Variants in ARHGAP20 observed in about 807,000 individuals in gnomAD.
ARHGAP20 encodes the protein Rho GTPase activating protein 20.
Under a neutral mutation model 73.7 loss-of-function variants are expected in ARHGAP20, and 34 were observed. That is an observed-to-expected ratio of 0.46 (90% confidence interval 0.35 to 0.61). ARHGAP20 has a LOEUF of 0.61. Ranked by LOEUF, ARHGAP20 falls within the 20% of genes least tolerant of loss-of-function variation. ARHGAP20 has a pLI of 0.00. For missense variants in ARHGAP20, 1,314 were observed against 1,420.9 expected, an observed-to-expected ratio of 0.92 and a Z score of 1.21; for synonymous variants, 523 against 518.2, an observed-to-expected ratio of 1.01 and a Z score of -0.13.
At chr11:110,634,066 A>G (rs1413482760) in intron 2 of ARHGAP20, among the ~76,000 whole-genome samples, 1 of 152,220 alleles carries the variant, frequency 6.6e-6, no homozygotes, top group African/African-American at 2.4e-5. Context: ...AAGTAGCAGA[A>G]AAAGAAAAAG....
chr11:110,680,714 G>A (rs1239961928), intron 2 of ARHGAP20, among the ~76,000 whole-genome samples: 1 of 152,104 alleles, frequency 6.6e-6, no homozygotes, highest in African/African-American at 2.4e-5. Flanking sequence ...AATGTGGAGA[G>A]ACTAAATTTA....
chr11:110,587,113 TG>T (rs1947689981), intron 11 of ARHGAP20, among the ~76,000 whole-genome samples: 1 of 152,222 alleles, frequency 6.6e-6, no homozygotes, highest in South Asian at 2.1e-4. Flanking sequence ...CAAGTATGTT[TG>T]TTGTTTAGCT....
At chr11:110,615,083 A>G (rs1948455128) in intron 5 of ARHGAP20, among the ~76,000 whole-genome samples, 1 of 152,174 alleles carries the variant, frequency 6.6e-6, no homozygotes, top group South Asian at 2.1e-4. Flanking sequence ...AGAGGGAGAG[A>G]GGACAGGAGG....
At chr11:110,666,435 A>T (rs763661364) in intron 2 of ARHGAP20, among the ~76,000 whole-genome samples, 1 of 152,212 alleles carries the variant, frequency 6.6e-6, no homozygotes, top group Non-Finnish European at 1.5e-5. Flanking sequence ...GACTTGCAGA[A>T]CATGTTTTAA....
intron 2 of ARHGAP20, among the ~76,000 whole-genome samples, chr11:110,683,700 C>T (rs1308023305): frequency 1.3e-5 from 2 of 152,068 alleles, no homozygotes; most frequent in Non-Finnish European, 2.9e-5. Flanking sequence ...TTATTATGTG[C>T]CAATTTTTTT....
chr11:110,616,455 C>T (rs1208243483), intron 4 of ARHGAP20, among the ~76,000 whole-genome samples: 2 of 152,076 alleles, frequency 1.3e-5, no homozygotes, highest in Non-Finnish European at 2.9e-5. Flanking sequence ...TCACTGTAGG[C>T]TTGAACTCCT....
chr11:110,639,658 G>A (rs1378052998), intron 2 of ARHGAP20, among the ~76,000 whole-genome samples: 1 of 151,920 alleles, frequency 6.6e-6, no homozygotes, highest in Non-Finnish European at 1.5e-5. Flanking sequence ...CTATGGAGTT[G>A]CCTATTTCGG....
chr11:110,648,210 AATATATATATGTAT>A (rs1308408294), intron 2 of ARHGAP20, among the ~76,000 whole-genome samples: 2,023 of 113,268 alleles, frequency 0.018, 63 homozygotes, highest in African/African-American at 0.075. Flanking sequence ...TATATATGTA[AATATATATATGTAT>A]ATATATATAT....
Position 110,611,366 on chromosome 11 carries a change from C to T in ARHGAP20, c.651G>A (p.Met217Ile), listed in dbSNP as rs1424536606. ...NCAYSKTITV[M>I]NSDTANEVIN... ...TAACTTCATTCGCTGTATCTGAATT[C>T]ATTACTGTTATAGTTTTAGACTGTA... Residue 217 changes from methionine (M) to isoleucine (I), a missense_variant, in exon 7 of 15, where the codon ATG becomes ATA. By Grantham distance (10) the Met-to-Ile change is conservative. Around this residue, in one of 3 missense-constraint regions of ARHGAP20, gnomAD observed 443 missense variants for 466.4 expected, o/e 0.95. Transcript: ENST00000683387. The T allele has an allele frequency of 6.5e-7, 1 of 1,550,280 alleles. No individual in the cohort carries two copies.
intron 1 of ARHGAP20, among the ~76,000 whole-genome samples, chr11:110,710,435 TA>T (rs11423761): frequency 5.4e-5 from 8 of 147,614 alleles, no homozygotes; most frequent in Admixed American, 6.8e-5. Flanking sequence ...ATACCCTTAG[TA>T]AAAAAAAAAG....
chr11:110,597,812 A>T (rs771436429), intron 9 of ARHGAP20, among the ~76,000 whole-genome samples: 44 of 152,186 alleles, frequency 2.9e-4, no homozygotes, highest in Admixed American at 1.1e-3. Flanking sequence ...ATTCAACCTG[A>T]GCATTCAGGA....
chr11:110,615,819 A>G (rs1429123083), intron 4 of ARHGAP20, among the ~76,000 whole-genome samples: 1 of 152,214 alleles, frequency 6.6e-6, no homozygotes, highest in African/African-American at 2.4e-5. Context: ...ATCCTTTTGG[A>G]TGGATCTAAG....
rs549354590 is a variant in ARHGAP20, at chr11:110,635,541, TGA to T, written c.189-4751_189-4750del. 1.8e-3 allele frequency among the ~76,000 whole-genome samples: 281 copies of T among 152,268 alleles called. 4 individuals carry two copies. Among genetic ancestry groups the T allele is most frequent in the African/African-American group, 6.4e-3 (266 of 41,570 alleles). On this transcript the variant is annotated intron_variant, in intron 2 of 14. Transcript: ENST00000683387. ...TTCTACTTCAGCTAAGTTGAACTTT[TGA>T]GAGTTATTCCATCATTTCCTGTGAT... is the stretch of plus-strand genomic sequence containing the variant.
At position 110,580,768 on chromosome 11, in the gene ARHGAP20, T is replaced by C. The variant is rs765657362; in HGVS notation, c.2178A>G (p.Leu726=). Residue 726 remains leucine, a synonymous_variant, in exon 15 of 15, where the codon CTA becomes CTG. Transcript: ENST00000683387. ...GAATTGCATCACAGCTGGACTTGCGTAGCTTTTTCTGATAAAACTCCCTGA... is the reference window on the plus strand; with the variant it reads ...GAATTGCATCACAGCTGGACTTGCGCAGCTTTTTCTGATAAAACTCCCTGA... ...SYLREFYQKK[L]RKSSCDAILS... 7 of 1,614,010 alleles carry C rather than the reference T, an allele frequency of 4.3e-6. No individual in the cohort carries two copies. The highest frequency in any genetic ancestry group is 3.3e-5 in the Admixed American group (2 of 59,990).
intron 11 of ARHGAP20, among the ~76,000 whole-genome samples, chr11:110,587,773 T>A (rs958593877): frequency 9.9e-5 from 15 of 152,138 alleles, no homozygotes; most frequent in African/African-American, 2.7e-4. Context: ...CTTTTTTTTT[T>A]AGAATGTTTA....
At chr11:110,592,361 A>C (rs1464264529) in intron 9 of ARHGAP20, among the ~76,000 whole-genome samples, 4 of 152,222 alleles carry the variant, frequency 2.6e-5, no homozygotes, top group Non-Finnish European at 5.9e-5. Context: ...AGGAAGAATC[A>C]AATGTTTGGG....
At chr11:110,596,433 C>CA (rs1224107670) in intron 9 of ARHGAP20, among the ~76,000 whole-genome samples, 1 of 150,704 alleles carries the variant, frequency 6.6e-6, no homozygotes, top group African/African-American at 2.5e-5. Flanking sequence ...ACAGTGAACT[C>CA]AAACGAATTT....
intron 1 of ARHGAP20, among the ~76,000 whole-genome samples, chr11:110,702,576 G>C (rs907981481): frequency 1.7e-4 from 26 of 152,218 alleles, no homozygotes; most frequent in African/African-American, 6.0e-4. Flanking sequence ...TATTCAATTA[G>C]GAAAAGAGGA....
At chr11:110,670,441 A>G (rs1411826715) in intron 2 of ARHGAP20, among the ~76,000 whole-genome samples, 1 of 152,122 alleles carries the variant, frequency 6.6e-6, no homozygotes, top group Non-Finnish European at 1.5e-5. Flanking sequence ...AATATTATGC[A>G]TAACTCTGCA....
Sources: allele counts gnomAD v4.1 joint callset (sites outside exome capture counted in the v4.1 genomes callset), GRCh38; gene constraint gnomAD v4.1.1; regional missense constraint gnomAD v4.1.1; transcripts MANE v1.5; gene names NCBI Gene and HGNC (gene_info 2026-07-23, HGNC 2026-07-21).